The following LDB3 variants were observed in gnomAD, a reference collection of about 807,000 sequenced individuals.
LDB3 encodes the protein LIM domain binding 3, also known as LIM domain-binding protein 3.
In LDB3, 49 loss-of-function variants were observed where a neutral mutation model predicts 69.0. The observed-to-expected ratio is 0.71, with a 90% CI of 0.56 to 0.90. The LOEUF is 0.90. LDB3 is among the 40% of genes least tolerant of loss of function. The pLI, the probability that LDB3 is intolerant of heterozygous loss-of-function variation, is 0.00. For synonymous variants in LDB3, 387 were observed against 396.2 expected, an observed-to-expected ratio of 0.98 and a Z score of 0.28; for missense variants, 928 against 974.1, an observed-to-expected ratio of 0.95 and a Z score of 0.63.
At position 86,706,733 on chromosome 10, in the gene LDB3, A is replaced by G; in HGVS notation, c.1085+14A>G. 1.2e-6 allele frequency: 2 copies of G among 1,605,696 alleles called. No individual in the cohort carries two copies. Among genetic ancestry groups the G allele is most frequent in the South Asian group, 2.2e-5 (2 of 90,458 alleles). On this transcript the variant is annotated intron_variant, in intron 8 of 13. Transcript: ENST00000361373. ...CGACAGCCCAAGGTAACTGGGCCACAGGTGCTGGGCCTGACCCTGGGGAAG... is the reference window on the plus strand; with the variant it reads ...CGACAGCCCAAGGTAACTGGGCCACGGGTGCTGGGCCTGACCCTGGGGAAG...
intron 6 of LDB3, 98 bp downstream of exon 6, chr10:86,692,163 C>A (rs966477927): frequency 1.4e-6 from 2 of 1,394,750 alleles, no homozygotes; most frequent in East Asian, 2.4e-5. Context: ...AGTCCTGCTA[C>A]CTGCCCTTGA....
intron 13 of LDB3, among the ~76,000 whole-genome samples, chr10:86,732,009 C>CTT (rs1323088769): frequency 2.2e-5 from 2 of 91,042 alleles, no homozygotes; most frequent in Admixed American, 1.2e-4. Context: ...CTTTCTTTTT[C>CTT]TTTTTTTTTT....
At chr10:86,720,255 G>A (rs967157333) in intron 12 of LDB3, among the ~76,000 whole-genome samples, 1 of 152,148 alleles carries the variant, frequency 6.6e-6, no homozygotes, top group Non-Finnish European at 1.5e-5. Context: ...GACCAGCCTG[G>A]CCAAAATGGT....
intron 2 of LDB3, 44 bp from the exon 3 acceptor site, chr10:86,679,323 A>G (rs1844975498): frequency 6.2e-7 from 1 of 1,613,322 alleles, no homozygotes; most frequent in South Asian, 1.1e-5. Flanking sequence ...TTTCCTCAGG[A>G]CCACCTTCCT....
Position 86,735,407 on chromosome 10 carries a change from T to G in LDB3, c.*2431T>G, listed in dbSNP as rs933317549. The stretch of plus-strand genomic sequence containing the variant: ...TTTACATTTGGATGTCCTACAACAC[T>G]AAACAAAATTTTTCATAATCCATGG... On this transcript the variant is annotated 3_prime_UTR_variant, in exon 14 of 14. Transcript: ENST00000361373. 2.0e-5 allele frequency: 3 copies of G among 152,144 alleles called. No individual in the cohort carries two copies. The highest frequency in any genetic ancestry group is 7.2e-5 in the African/African-American group (3 of 41,432). The allele number at this position is 152,144 out of a possible 1,614,324, so 9.4% of individuals were successfully genotyped here.
chr10:86,676,627 T>C (rs1306375036), intron 2 of LDB3, among the ~76,000 whole-genome samples: 1 of 148,298 alleles, frequency 6.7e-6, no homozygotes, highest in African/African-American at 2.5e-5. Context: ...AGGGCTGAAA[T>C]GGCAGGTTCA....
At position 86,680,299 on chromosome 10, in the gene LDB3, C is replaced by T. The variant is rs576596844; in HGVS notation, c.321+142C>T. 4.0e-6 allele frequency: 3 copies of T among 758,482 alleles called. No individual in the cohort carries two copies. In the East Asian group the frequency reaches 8.0e-5, roughly 20 times the overall value. 47.0% of individuals were successfully genotyped at this position (758,482 alleles called of 1,614,324 possible). A position where few individuals can be genotyped will look rare whatever the true frequency, so the allele number is the denominator to read the frequency against. ...TGCCCCATCCCTGCCCCTGCTGCAG[C>T]TGACCCTGGGGAAGTGAGGCAGCCC... On this transcript the variant is annotated intron_variant, in intron 4 of 13. Coordinates refer to ENST00000361373, the MANE Select transcript of LDB3 (RefSeq NM_007078.3).
rs535144566 is a variant in LDB3 at position 86,691,037 on chromosome 10, G to A, written c.690-859G>A. On this transcript the variant is annotated intron_variant, in intron 5 of 13. Transcript: ENST00000361373. Reference sequence around the variant, plus strand: ...GGGCGGCTTGGTCCTCTGGTCCCCCGGCCAGGGTGAGTGGGCTGTAAGGCT... The same window carrying A: ...GGGCGGCTTGGTCCTCTGGTCCCCCAGCCAGGGTGAGTGGGCTGTAAGGCT... Among the ~76,000 whole-genome samples, 17 of 152,312 alleles carry A rather than the reference G, an allele frequency of 1.1e-4. No individual in the cohort carries two copies. The South Asian group carries it at 1.9e-3, about 17-fold the overall frequency.
chr10:86,728,586 G>GTTTTTTTTTTTTTTTTT (rs201899694), intron 13 of LDB3, among the ~76,000 whole-genome samples: 2 of 131,456 alleles, frequency 1.5e-5, no homozygotes, highest in Non-Finnish European at 3.2e-5. Flanking sequence ...TGGTTCTTTT[G>GTTTTTTTTTTTTTTTTT]TTTTTTTTTT....
At chr10:86,688,578 G>T (rs1026812108) in intron 5 of LDB3, among the ~76,000 whole-genome samples, 1 of 152,180 alleles carries the variant, frequency 6.6e-6, no homozygotes. Context: ...TCTGGGCAAG[G>T]TTGATTGAAT....
rs1554863327 is a variant in LDB3 at position 86,716,423 on chromosome 10, C to T, written c.1328C>T (p.Pro443Leu). ...PAPAYTPSPA[P>L]AYTPSPVPTY... is the part of the protein sequence containing the mutation. ...CCTGCCTACACCCCCTCCCCTGCCCCTGCCTACACCCCCTCACCTGTCCCC... is the reference window on the plus strand; with the variant it reads ...CCTGCCTACACCCCCTCCCCTGCCCTTGCCTACACCCCCTCACCTGTCCCC... Residue 443 changes from proline to leucine, a missense_variant, in exon 10 of 14, where the codon CCT becomes CTT. Transcript: ENST00000361373. The T allele has an allele frequency of 1.9e-6, 3 of 1,565,976 alleles. No homozygotes were observed. Among genetic ancestry groups the T allele is most frequent in the Middle Eastern group, 2.3e-4 (1 of 4,392 alleles).
chr10:86,722,906 G>A (rs1192352543), intron 12 of LDB3, among the ~76,000 whole-genome samples: 1 of 152,094 alleles, frequency 6.6e-6, no homozygotes, highest in Non-Finnish European at 1.5e-5. Context: ...TGAAAAGCCA[G>A]TAAGAGAAGG....
At chr10:86,682,342 C>A (rs1025569673) in intron 5 of LDB3, among the ~76,000 whole-genome samples, 5 of 152,076 alleles carry the variant, frequency 3.3e-5, no homozygotes, top group African/African-American at 1.2e-4. Context: ...CAGTGGCGTG[C>A]AGGGAGCGGG....
rs1435466193 is a variant in LDB3, at chr10:86,733,014, G to C, written c.*38G>C. On this transcript the variant is annotated 3_prime_UTR_variant, in exon 14 of 14. Coordinates refer to ENST00000361373, the MANE Select transcript of LDB3 (RefSeq NM_007078.3). The stretch of plus-strand genomic sequence containing the variant: ...GCCTGTGCTGACGAGGCCCGGAGCT[G>C]CTCCTGCTGCTGGCAACAAAGGATT... 1 of 1,431,766 alleles carries C rather than the reference G, an allele frequency of 7.0e-7. No individual in the cohort carries two copies. Among genetic ancestry groups the C allele is most frequent in the African/African-American group, 1.4e-5 (1 of 71,190 alleles). 88.7% of individuals were successfully genotyped at this position (1,431,766 alleles called of 1,614,324 possible).
At chr10:86,669,130 C>T (rs1405889116) in intron 2 of LDB3, among the ~76,000 whole-genome samples, 1 of 152,166 alleles carries the variant, frequency 6.6e-6, no homozygotes, top group African/African-American at 2.4e-5. Context: ...AGGGTGCCCC[C>T]AAGCCTTGAG....
chr10:86,702,784 G>C (rs1002899500), intron 7 of LDB3, among the ~76,000 whole-genome samples: 1 of 152,120 alleles, frequency 6.6e-6, no homozygotes, highest in African/African-American at 2.4e-5. Context: ...CCTGGAATAA[G>C]AGCCCAAGAT....
In LDB3 at chr10:86,706,709, G is replaced by A. The variant is rs557956141; in HGVS notation, c.1075G>A (p.Asp359Asn). The A allele has an allele frequency of 4.4e-5, 71 of 1,611,746 alleles. No individual in the cohort carries two copies. In the Admixed American group the frequency reaches 6.5e-4, roughly 15 times the overall value. ...STTAPASSPA[D>N]SPRPQASSYS... The stretch of plus-strand genomic sequence containing the variant: ...CACAGCCCCTGCTTCAAGTCCTGCC[G>A]ACAGCCCAAGGTAACTGGGCCACAG... The change falls in exon 8 of 14, where the codon GAC (aspartate) becomes AAC (asparagine). Residue 359 changes from aspartate to asparagine, a missense_variant. Transcript: ENST00000361373.
rs754529329 is a variant in LDB3 at position 86,726,232 on chromosome 10, G to A, written c.2074G>A (p.Asp692Asn). 9 of 1,613,868 alleles carry A rather than the reference G, an allele frequency of 5.6e-6. No homozygotes were observed. Among genetic ancestry groups the A allele is most frequent in the Admixed American group, 1.7e-5 (1 of 59,996 alleles). Residue 692 changes from aspartate to asparagine, a missense_variant, in exon 13 of 14, where the codon GAC becomes AAC. By Grantham distance (23) the Asp-to-Asn change is conservative. Coordinates refer to ENST00000361373, the MANE Select transcript of LDB3 (RefSeq NM_007078.3). ...FIEALGHTWH[D>N]TCFICAVCHV... ...CGAAGCCCTGGGCCACACTTGGCAC[G>A]ACACCTGCTTCATTTGCGCAGTATG...
chr10:86,683,589 T>C (rs1845281264), intron 5 of LDB3, among the ~76,000 whole-genome samples: 1 of 152,240 alleles, frequency 6.6e-6, no homozygotes, highest in South Asian at 2.1e-4. Flanking sequence ...AAATTATTTC[T>C]TGGTGCTCAG....
Sources: allele counts gnomAD v4.1 joint callset (sites outside exome capture counted in the v4.1 genomes callset), GRCh38; gene constraint gnomAD v4.1.1; transcripts MANE v1.5; gene names NCBI Gene and HGNC (gene_info 2026-07-23, HGNC 2026-07-21).